Variants in MCTP1 observed in about 807,000 individuals in gnomAD.
MCTP1 encodes the protein multiple C2 and transmembrane domain containing 1.
MCTP1 carries 69 observed loss-of-function variants against 120.6 expected under a neutral mutation model. That is an observed-to-expected ratio of 0.57 (90% CI 0.47 to 0.70). The LOEUF (loss-of-function observed/expected upper bound fraction) is 0.70, where lower values mean the gene tolerates loss of function less well. MCTP1 is among the 30% of genes least tolerant of loss of function. MCTP1 has a pLI of 0.00. For missense variants in MCTP1, 1,203 were observed against 1,248.8 expected (o/e 0.96, Z 0.55); for synonymous variants, 529 against 493.1 (o/e 1.07, Z -0.96).
intron 1 of MCTP1, among the ~76,000 whole-genome samples, chr5:95,052,853 C>T (rs181484201): frequency 1.3e-5 from 2 of 152,250 alleles, no homozygotes; most frequent in Admixed American, 6.5e-5. Flanking sequence ...CTGGGGTAGC[C>T]GTCCAGTTAA....
Position 95,275,775 on chromosome 5 carries a change from G to A in MCTP1, c.720+8081C>T, listed in dbSNP as rs559119761. 7.2e-5 allele frequency among the ~76,000 whole-genome samples: 11 copies of A among 152,072 alleles called. No individual in the cohort carries two copies. In the East Asian group the frequency reaches 2.1e-3, roughly 29 times the overall value. Reference sequence around the variant, plus strand: ...TTTCCAAAGTCCCATAGCAAAATGCGGGTAGCAGTTGCCACATGGAACAGC... The same window carrying A: ...TTTCCAAAGTCCCATAGCAAAATGCAGGTAGCAGTTGCCACATGGAACAGC... On this transcript the variant is annotated intron_variant, in intron 1 of 22. Transcript: ENST00000515393.
At chr5:95,085,935 G>T (rs1269011077) in intron 1 of MCTP1, among the ~76,000 whole-genome samples, 2 of 151,966 alleles carry the variant, frequency 1.3e-5, no homozygotes, top group African/African-American at 4.8e-5. Context: ...GAAATATTTA[G>T]GAGGTCTTTA....
At chr5:94,952,192 A>AAAAAAAAAAAG (rs1561912862) in intron 3 of MCTP1, among the ~76,000 whole-genome samples, 1 of 143,410 alleles carries the variant, frequency 7.0e-6, no homozygotes, top group Non-Finnish European at 1.5e-5. Flanking sequence ...AAAAAAAAAA[A>AAAAAAAAAAAG]AGCTATTGAA....
intron 18 of MCTP1, among the ~76,000 whole-genome samples, chr5:94,781,121 T>A (rs1161845068): frequency 1.8e-5 from 2 of 110,326 alleles, no homozygotes; most frequent in Non-Finnish European, 3.7e-5. Context: ...TCTTTTAGAT[T>A]TAAATGAAGT....
chr5:95,251,317 A>G (rs1368357413), intron 1 of MCTP1, among the ~76,000 whole-genome samples: 1 of 152,096 alleles, frequency 6.6e-6, no homozygotes, highest in African/African-American at 2.4e-5. Context: ...GAACCTAAAG[A>G]ATGTCAGTAT....
intron 1 of MCTP1, among the ~76,000 whole-genome samples, chr5:95,170,033 C>G (rs1269019167): frequency 6.6e-6 from 1 of 152,182 alleles, no homozygotes; most frequent in Non-Finnish European, 1.5e-5. Context: ...TTGCTGCTTT[C>G]TCTTGTGGAC....
intron 1 of MCTP1, among the ~76,000 whole-genome samples, chr5:95,134,992 C>CAAAAAAAAA (rs70978170): frequency 5.7e-5 from 2 of 35,310 alleles, no homozygotes; most frequent in Non-Finnish European, 1.0e-4. Flanking sequence ...GCCTGATGGC[C>CAAAAAAAAA]AAAAAAAAAA....
At chr5:95,132,257 T>C (rs933751156) in intron 1 of MCTP1, among the ~76,000 whole-genome samples, 8 of 152,306 alleles carry the variant, frequency 5.3e-5, no homozygotes, top group Admixed American at 2.6e-4. Context: ...GCTAATCACA[T>C]TTGACAGTGT....
chr5:94,900,805 C>T (rs1446801674), intron 10 of MCTP1, among the ~76,000 whole-genome samples: 1 of 152,170 alleles, frequency 6.6e-6, no homozygotes, highest in Non-Finnish European at 1.5e-5. Flanking sequence ...TGTACTTCAG[C>T]TTTCCTCATT....
chr5:95,151,591 G>A (rs1173293267), intron 1 of MCTP1, among the ~76,000 whole-genome samples: 1 of 152,144 alleles, frequency 6.6e-6, no homozygotes, highest in Non-Finnish European at 1.5e-5. Flanking sequence ...GCTTGGCCAA[G>A]GAGGACTTAA....
chr5:95,265,636 G>A (rs116465345), intron 1 of MCTP1, among the ~76,000 whole-genome samples: 1,618 of 152,226 alleles, frequency 0.011, 24 homozygotes, highest in African/African-American at 0.035. Flanking sequence ...AGCAGTTGTC[G>A]CAAATGAGGT....
At chr5:95,103,193 A>G (rs918055775) in intron 1 of MCTP1, among the ~76,000 whole-genome samples, 3 of 152,042 alleles carry the variant, frequency 2.0e-5, no homozygotes, top group Non-Finnish European at 4.4e-5. Flanking sequence ...AAGCATTTCA[A>G]CAAAGTAGAA....
At chr5:94,867,494 C>A in intron 17 of MCTP1, 1 of 688,366 alleles carries the variant, frequency 1.5e-6, no homozygotes, top group Admixed American at 2.2e-5. Flanking sequence ...TGTAAGCCCC[C>A]ATAATAAAGT....
At chr5:95,001,184 G>A (rs1053431513) in intron 2 of MCTP1, among the ~76,000 whole-genome samples, 6 of 152,322 alleles carry the variant, frequency 3.9e-5, no homozygotes, top group Middle Eastern at 3.4e-3. Flanking sequence ...CAGCCATGTG[G>A]AACTGTGAGT....
At chr5:94,737,580 A>G (rs1764561313) in intron 19 of MCTP1, among the ~76,000 whole-genome samples, 1 of 152,222 alleles carries the variant, frequency 6.6e-6, no homozygotes, top group South Asian at 2.1e-4. Flanking sequence ...AAATATTTGC[A>G]ATAACCATTA....
Position 94,791,130 on chromosome 5 carries a change from A to G in MCTP1, c.2556+7883T>C, listed in dbSNP as rs1478014109. On this transcript the variant is annotated intron_variant, in intron 18 of 22. Coordinates refer to ENST00000515393, the MANE Select transcript of MCTP1 (RefSeq NM_024717.7). Reference sequence around the variant, plus strand: ...TCTACTACAAAAAAAAAAAAAAAAAAAAAGAAAAAAATACAAAAATTAGCC... The same window carrying G: ...TCTACTACAAAAAAAAAAAAAAAAAGAAAGAAAAAAATACAAAAATTAGCC... Among the ~76,000 whole-genome samples, 7 of 150,236 alleles carry G rather than the reference A, an allele frequency of 4.7e-5. No homozygotes were observed. In the East Asian group the frequency reaches 5.8e-4, roughly 12 times the overall value.
intron 1 of MCTP1, among the ~76,000 whole-genome samples, chr5:95,270,359 A>C (rs968405900): frequency 2.0e-5 from 3 of 152,264 alleles, no homozygotes; most frequent in Non-Finnish European, 4.4e-5. Context: ...TGTAAAATGC[A>C]GAAGACATCA....
intron 19 of MCTP1, among the ~76,000 whole-genome samples, chr5:94,752,467 G>A (rs541419190): frequency 6.6e-6 from 1 of 152,080 alleles, no homozygotes; most frequent in Non-Finnish European, 1.5e-5. Flanking sequence ...GGCTGAGTTT[G>A]CAAGTGCTTG....
At chr5:94,877,530 C>T (rs1416353868) in intron 12 of MCTP1, 1 of 151,968 alleles carries the variant, frequency 6.6e-6, no homozygotes, top group Non-Finnish European at 1.5e-5. Flanking sequence ...GGTGAAAAGC[C>T]ATTTCTACAA....
Sources: allele counts gnomAD v4.1 joint callset (sites outside exome capture counted in the v4.1 genomes callset), GRCh38; gene constraint gnomAD v4.1.1; transcripts MANE v1.5; gene names NCBI Gene and HGNC (gene_info 2026-07-23, HGNC 2026-07-21).